Variants in L3MBTL3 observed in about 807,000 individuals in gnomAD.
The protein encoded by L3MBTL3 is L3MBTL histone methyl-lysine binding protein 3, also known as lethal(3)malignant brain tumor-like protein 3.
In L3MBTL3, 27 loss-of-function variants were observed where a neutral mutation model predicts 102.3. That is an observed-to-expected ratio of 0.26 (90% CI 0.19 to 0.36). The LOEUF (loss-of-function observed/expected upper bound fraction) is 0.36. L3MBTL3 is among the 10% of genes least tolerant of loss of function. The pLI, the probability that L3MBTL3 is intolerant of heterozygous loss-of-function variation, is 1.00. For missense variants in L3MBTL3, 798 were observed against 955.3 expected (o/e 0.84, Z 2.17); for synonymous variants, 340 against 320.9 (o/e 1.06, Z -0.64).
chr6:130,048,843 C>T (rs886998446), intron 3 of L3MBTL3, among the ~76,000 whole-genome samples: 1 of 151,856 alleles, frequency 6.6e-6, no homozygotes, highest in Non-Finnish European at 1.5e-5. Flanking sequence ...TGAGCCTGGG[C>T]AAGACAAGTT....
chr6:130,121,731 T>G (rs1477813407), intron 20 of L3MBTL3, among the ~76,000 whole-genome samples: 2 of 152,196 alleles, frequency 1.3e-5, no homozygotes, highest in Non-Finnish European at 2.9e-5. Flanking sequence ...AAAAAAAAAT[T>G]CCTTGAACAA....
chr6:130,066,384 A>T lies in L3MBTL3; in HGVS notation c.896A>T (p.Asp299Val), dbSNP rs772128840. The T allele has an allele frequency of 3.7e-6, 6 of 1,608,702 alleles. No individual in the cohort carries two copies. Among genetic ancestry groups the T allele is most frequent in the Non-Finnish European group, 8.5e-7 (1 of 1,177,648 alleles). Residue 299 changes from aspartate to valine, a missense_variant, in exon 11 of 23, where the codon GAT becomes GTT. Transcript: ENST00000361794. ...VCGYRIKLHF[D>V]GYSDCYDFWV... ...GGATACCGGATAAAGCTTCACTTTG[A>T]TGGGTATTCTGATTGCTATGACTTC...
chr6:130,125,127 C>G (rs955729994), intron 20 of L3MBTL3, among the ~76,000 whole-genome samples: 3 of 152,168 alleles, frequency 2.0e-5, no homozygotes, highest in Non-Finnish European at 4.4e-5. Flanking sequence ...GGAAGTCCCA[C>G]AAGGGACTGA....
At chr6:130,097,650 A>G (rs1345132165) in intron 18 of L3MBTL3, among the ~76,000 whole-genome samples, 2 of 151,986 alleles carry the variant, frequency 1.3e-5, no homozygotes, top group African/African-American at 4.8e-5. Context: ...CTTAATTCCA[A>G]CTCTCTAGCA....
chr6:130,049,979 C>A, intron 5 of L3MBTL3, 149 bp downstream of exon 5: 1 of 1,014,218 alleles, frequency 9.9e-7, no homozygotes, highest in Non-Finnish European at 1.4e-6. Context: ...AGGAGTCATC[C>A]TGAATTTGTT....
chr6:130,041,050 G>A (rs777987153), intron 2 of L3MBTL3, among the ~76,000 whole-genome samples: 2 of 152,232 alleles, frequency 1.3e-5, no homozygotes, highest in Non-Finnish European at 2.9e-5. Flanking sequence ...CAAAGAATGT[G>A]TGAGTATTTT....
Position 130,066,409 on chromosome 6 carries a change from C to T in L3MBTL3, c.921C>T (p.Phe307=). 6.2e-7 allele frequency: 1 copy of T among 1,611,902 alleles called. No homozygotes were observed. The highest frequency in any genetic ancestry group is 8.5e-7 in the Non-Finnish European group (1 of 1,178,854). ...HFDGYSDCYD[F]WVNADALDIH... ...ATGGGTATTCTGATTGCTATGACTTCTGGGTGAATGCAGACGCTCTGGATA... is the reference window on the plus strand; with the variant it reads ...ATGGGTATTCTGATTGCTATGACTTTTGGGTGAATGCAGACGCTCTGGATA... Residue 307 remains phenylalanine (F), a synonymous_variant, in exon 11 of 23, where the codon TTC becomes TTT. Coordinates refer to ENST00000361794, the MANE Select transcript of L3MBTL3 (RefSeq NM_032438.4).
At chr6:130,025,728 G>A (rs767561600) in intron 2 of L3MBTL3, among the ~76,000 whole-genome samples, 1 of 152,124 alleles carries the variant, frequency 6.6e-6, no homozygotes, top group Non-Finnish European at 1.5e-5. Context: ...ACAGTAAAAT[G>A]CCTTCTGCAT....
intron 2 of L3MBTL3, among the ~76,000 whole-genome samples, chr6:130,034,277 G>A (rs1465662509): frequency 6.6e-6 from 1 of 151,930 alleles, no homozygotes; most frequent in East Asian, 1.9e-4. Context: ...GTCAATGTCC[G>A]CAGCCAGTCA....
intron 19 of L3MBTL3, among the ~76,000 whole-genome samples, chr6:130,110,502 T>C (rs567546065): frequency 2.8e-4 from 42 of 152,318 alleles, no homozygotes; most frequent in African/African-American, 9.6e-4. Flanking sequence ...GTTTGTCTAT[T>C]ATTGGTGTAT....
chr6:130,059,046 T>A (rs954637320), intron 9 of L3MBTL3, among the ~76,000 whole-genome samples: 7 of 149,926 alleles, frequency 4.7e-5, no homozygotes, highest in African/African-American at 1.4e-4. Context: ...TTCTGTAGCT[T>A]TGGTCCTTTA....
chr6:130,037,834 T>A (rs1210376702), intron 2 of L3MBTL3, among the ~76,000 whole-genome samples: 1 of 152,164 alleles, frequency 6.6e-6, no homozygotes, highest in Admixed American at 6.5e-5. Context: ...AAATTATTTT[T>A]AACTATATTC....
intron 19 of L3MBTL3, among the ~76,000 whole-genome samples, chr6:130,120,379 C>T (rs540191852): frequency 6.6e-6 from 1 of 152,304 alleles, no homozygotes; most frequent in African/African-American, 2.4e-5. Flanking sequence ...GGTGAAATCA[C>T]TTCAGCGGGT....
chr6:130,040,680 C>G (rs1357255709), intron 2 of L3MBTL3, among the ~76,000 whole-genome samples: 1 of 152,116 alleles, frequency 6.6e-6, no homozygotes, highest in African/African-American at 2.4e-5. Flanking sequence ...AGGCCCACTT[C>G]ATTAATTTTT....
At chr6:130,134,958 G>A (rs879702751) in intron 22 of L3MBTL3, among the ~76,000 whole-genome samples, 1 of 151,488 alleles carries the variant, frequency 6.6e-6, no homozygotes, top group Non-Finnish European at 1.5e-5. Flanking sequence ...TTCTTATTGT[G>A]CAAAGGTTTT....
intron 22 of L3MBTL3, among the ~76,000 whole-genome samples, chr6:130,136,458 C>A (rs1440357595): frequency 6.6e-6 from 1 of 152,160 alleles, no homozygotes; most frequent in African/African-American, 2.4e-5. Context: ...AACACTCTTC[C>A]TCCAGATGTT....
intron 20 of L3MBTL3, among the ~76,000 whole-genome samples, chr6:130,123,421 T>C (rs916395019): frequency 5.9e-5 from 9 of 152,318 alleles, no homozygotes; most frequent in African/African-American, 2.2e-4. Context: ...CTTATTGTCT[T>C]ACTTTTTGTT....
chr6:130,121,200 AC>A (rs1316565130), intron 20 of L3MBTL3, among the ~76,000 whole-genome samples: 1 of 152,134 alleles, frequency 6.6e-6, no homozygotes, highest in Non-Finnish European at 1.5e-5. Context: ...CCTGATAGTT[AC>A]CTTTTCTGAT....
At chr6:130,131,618 A>G (rs539130164) in intron 20 of L3MBTL3, among the ~76,000 whole-genome samples, 17 of 152,228 alleles carry the variant, frequency 1.1e-4, no homozygotes, top group Non-Finnish European at 2.1e-4. Flanking sequence ...GTGAGGATGC[A>G]AAAGTGTATT....
Sources: gnomAD v4.1 joint callset for allele counts (sites outside exome capture counted in the v4.1 genomes callset) on GRCh38, gnomAD v4.1.1 for gene constraint, MANE v1.5 for transcripts, NCBI Gene and HGNC (gene_info 2026-07-23, HGNC 2026-07-21) for gene names.